The following ACOT1 variants were observed in gnomAD, a reference collection of about 807,000 sequenced individuals.
ACOT1 encodes acyl-CoA thioesterase 1, also known as acyl-coenzyme A thioesterase 1.
A neutral mutation model predicts 15.7 loss-of-function variants in ACOT1; 8 were observed. That is an observed-to-expected ratio of 0.51 (90% CI 0.30 to 0.92). The LOEUF (loss-of-function observed/expected upper bound fraction) is 0.92. Among genes scored for constraint, ACOT1 ranks in the 40% least tolerant of loss-of-function variants. The pLI is 0.06. For missense variants in ACOT1, 151 were observed against 539.4 expected, an observed-to-expected ratio of 0.28 and a Z score of 7.13; for synonymous variants, 67 against 241.2, an observed-to-expected ratio of 0.28 and a Z score of 6.69.
chr14:73,498,627 G>A, the ACOT1 span, among the ~76,000 whole-genome samples: 1 of 152,158 alleles, frequency 6.6e-6, no homozygotes, highest in African/African-American at 2.4e-5. Context: ...GGGGAAAGGA[G>A]GCACAATTAT....
chr14:73,524,313 ATATAT>A, the ACOT1 span, among the ~76,000 whole-genome samples: 2 of 93,234 alleles, frequency 2.1e-5, no homozygotes, highest in African/African-American at 4.2e-5. Context: ...AAAAAAAAAT[ATATAT>A]ATATATATAT....
At chr14:73,506,113 A>G in the ACOT1 span, among the ~76,000 whole-genome samples, 3 of 150,934 alleles carry the variant, frequency 2.0e-5, no homozygotes, top group Non-Finnish European at 4.4e-5. Flanking sequence ...CTGGTCTCCA[A>G]CTCCTGACCT....
chr14:73,509,251 A>T, the ACOT1 span: 22 of 1,498,050 alleles, frequency 1.5e-5, no homozygotes, highest in African/African-American at 3.0e-4. Context: ...AGGACTGGGA[A>T]AGCTGATAGT....
At chr14:73,515,095 T>C in the ACOT1 span, among the ~76,000 whole-genome samples, 2 of 150,834 alleles carry the variant, frequency 1.3e-5, no homozygotes, top group Non-Finnish European at 3.0e-5. Context: ...AAAAAAACTA[T>C]AGTTATATTT....
chr14:73,515,186 A>G, the ACOT1 span, among the ~76,000 whole-genome samples: 1 of 152,178 alleles, frequency 6.6e-6, no homozygotes, highest in African/African-American at 2.4e-5. Flanking sequence ...AGGGGAAGGG[A>G]AAAATGATAA....
chr14:73,530,438 G>T, the ACOT1 span: 1 of 130,198 alleles, frequency 7.7e-6, no homozygotes, highest in Non-Finnish European at 1.7e-5. Context: ...CCTGGTTAGT[G>T]GGGAGAGTGG....
chr14:73,515,157 A>G, the ACOT1 span, among the ~76,000 whole-genome samples: 2 of 152,242 alleles, frequency 1.3e-5, no homozygotes, highest in Non-Finnish European at 2.9e-5. Context: ...TCTTTCTCAG[A>G]AAAAAAGCTC....
At chr14:73,538,027 ATGTT>A in intron 1 of ACOT1, 149 bp downstream of exon 1, 1 of 737,790 alleles carries the variant, frequency 1.4e-6, no homozygotes, top group Non-Finnish European at 1.8e-6. Context: ...ACCCCGGGCT[ATGTT>A]GCCCAGGTAG....
the ACOT1 span, among the ~76,000 whole-genome samples, chr14:73,527,745 A>G: frequency 6.6e-6 from 1 of 152,086 alleles, no homozygotes; most frequent in Admixed American, 6.6e-5. Context: ...TGGGAGGCCA[A>G]GGCAGGTGGA....
At chr14:73,497,071 T>C in the ACOT1 span, among the ~76,000 whole-genome samples, 1 of 152,192 alleles carries the variant, frequency 6.6e-6, no homozygotes, top group East Asian at 1.9e-4. Flanking sequence ...AGTTTTTGTA[T>C]TTTTAGTAGA....
chr14:73,530,916 G>C, the ACOT1 span: 2 of 98,976 alleles, frequency 2.0e-5, no homozygotes, highest in Non-Finnish European at 4.3e-5. Context: ...TAGGAATACA[G>C]GCATGAGCCA....
At chr14:73,508,242 A>G in the ACOT1 span, 1 of 1,614,024 alleles carries the variant, frequency 6.2e-7, no homozygotes, top group Non-Finnish European at 8.5e-7. Context: ...GGTAAGTAGC[A>G]GTACCTTCCA....
At chr14:73,523,900 T>A in the ACOT1 span, among the ~76,000 whole-genome samples, 1 of 152,202 alleles carries the variant, frequency 6.6e-6, no homozygotes, top group Non-Finnish European at 1.5e-5. Flanking sequence ...TATTTGAGAC[T>A]CTAATTCCAT....
chr14:73,508,237 G>GT, the ACOT1 span: 1 of 1,613,972 alleles, frequency 6.2e-7, no homozygotes, highest in South Asian at 1.1e-5. Flanking sequence ...CACAGGGTAA[G>GT]TAGCAGTACC....
the ACOT1 span, chr14:73,503,041 C>G: frequency 1.3e-6 from 2 of 1,497,998 alleles, no homozygotes; most frequent in Non-Finnish European, 1.9e-6. Context: ...CATTAGGTAT[C>G]ATCACTTAAT....
chr14:73,494,539 A>G, the ACOT1 span, among the ~76,000 whole-genome samples: 1 of 152,022 alleles, frequency 6.6e-6, no homozygotes, highest in Non-Finnish European at 1.5e-5. Context: ...AGAGACAAGC[A>G]CTATTTTTTG....
At chr14:73,502,952 G>A in the ACOT1 span, 1 of 1,614,018 alleles carries the variant, frequency 6.2e-7, no homozygotes, top group Non-Finnish European at 8.5e-7. Flanking sequence ...CTGTGCAGCT[G>A]CTCTCCTCAC....
At chr14:73,528,495 G>A in the ACOT1 span, among the ~76,000 whole-genome samples, 3 of 151,826 alleles carry the variant, frequency 2.0e-5, no homozygotes, top group African/African-American at 7.3e-5. Context: ...GAAAAGGAAT[G>A]GGGACAGAAC....
the ACOT1 span, chr14:73,512,083 ACGT>A: frequency 6.2e-7 from 1 of 1,614,092 alleles, no homozygotes; most frequent in Non-Finnish European, 8.5e-7. Context: ...TTTGATCCGA[ACGT>A]CATCATGCAG....
Sources: gnomAD v4.1 joint callset for allele counts (sites outside exome capture counted in the v4.1 genomes callset) on GRCh38, gnomAD v4.1.1 for gene constraint, MANE v1.5 for transcripts, NCBI Gene and HGNC (gene_info 2026-07-23, HGNC 2026-07-21) for gene names.